The following CELSR1 variants were observed in gnomAD, a reference collection of about 807,000 sequenced individuals.
The protein encoded by CELSR1 is adhesion G protein-coupled receptor C1.
In CELSR1, 110 loss-of-function variants were observed where a neutral mutation model predicts 249.1. That is an observed-to-expected ratio of 0.44 (90% confidence interval 0.38 to 0.52). The LOEUF is 0.52. Ranked by LOEUF, CELSR1 falls within the 20% of genes least tolerant of loss-of-function variation. The pLI is 0.00. For synonymous variants in CELSR1, 2,113 were observed against 1,900.0 expected, an observed-to-expected ratio of 1.11 and a Z score of -2.92; for missense variants, 4,109 against 4,296.4, an observed-to-expected ratio of 0.96 and a Z score of 1.22.
At chr22:46,369,931 G>C (rs2078832782) in intron 25 of CELSR1, 127 bp from the exon 26 acceptor site, 1 of 783,756 alleles carries the variant, frequency 1.3e-6, no homozygotes, top group African/African-American at 1.7e-5. Context: ...AAGGAGCAAG[G>C]AGTCCAGGGA....
At chr22:46,449,198 C>T (rs1040248099) in intron 2 of CELSR1, among the ~76,000 whole-genome samples, 1 of 151,878 alleles carries the variant, frequency 6.6e-6, no homozygotes, top group African/African-American at 2.4e-5. Flanking sequence ...ATCACACATC[C>T]ATCCATCCAT....
rs2147833671 is a variant in CELSR1 at position 46,537,060 on chromosome 22, G to A, written c.111C>T (p.Gly37=). 4 of 1,073,426 alleles carry A rather than the reference G, an allele frequency of 3.7e-6. No individual in the cohort carries two copies. In the South Asian group the frequency reaches 1.2e-4, roughly 32 times the overall value. 66.5% of individuals were successfully genotyped at this position (1,073,426 alleles called of 1,614,324 possible). A position where few individuals can be genotyped will look rare whatever the true frequency, so the allele number is the denominator to read the frequency against. The change falls in exon 1 of 35, where the codon GGC becomes GGT. Residue 37 remains glycine, a synonymous_variant. Coordinates refer to ENST00000674500, the MANE Select transcript of CELSR1 (RefSeq NM_001378328.1). The surrounding 1 kb of genome is among the most constrained non-coding windows in gnomAD (Gnocchi z 5.8). ...GCCGGAGGGCGAAGGCGCGGGTCCC[G>A]CCGGGTACGCGCGGCTCCCAGGCGG... The part of the protein sequence containing the change: ...RAAAWEPRVP[G]GTRAFALRPG...
chr22:46,508,949 G>C (rs2080544432), intron 1 of CELSR1, among the ~76,000 whole-genome samples: 1 of 152,136 alleles, frequency 6.6e-6, no homozygotes, highest in Non-Finnish European at 1.5e-5. Context: ...CTCCCAGAAG[G>C]CTCCAGGATA....
intron 1 of CELSR1, among the ~76,000 whole-genome samples, chr22:46,513,415 C>A (rs139677580): frequency 3.0e-4 from 46 of 152,174 alleles, no homozygotes; most frequent in African/African-American, 1.1e-3. Context: ...CTGACCATAC[C>A]AAGAAGTCCA....
Position 46,364,639 on chromosome 22 carries a change from C to T in CELSR1, c.8652G>A (p.Val2884=). 1.2e-6 allele frequency: 2 copies of T among 1,612,718 alleles called. No homozygotes were observed. The highest frequency in any genetic ancestry group is 8.5e-7 in the Non-Finnish European group (1 of 1,179,922). The change falls in exon 33 of 35, where the codon GTG becomes GTA. Residue 2884 remains valine (V), a synonymous_variant. Transcript: ENST00000674500. ...EDPSGKPRLK[V]ETKVSVELHR... ...GCAGCTCCACGCTGACCTTGGTCTC[C>T]ACCTTCAGGCGGGGCTTGCCGCTGG...
intron 3 of CELSR1, among the ~76,000 whole-genome samples, 158 bp downstream of exon 3, chr22:46,439,031 T>C (rs569244900): frequency 1.3e-5 from 2 of 152,306 alleles, no homozygotes; most frequent in African/African-American, 4.8e-5. Flanking sequence ...GTGCTGGGAT[T>C]ACAGGCGTGA....
At chr22:46,465,833 A>G (rs1033935331) in intron 1 of CELSR1, among the ~76,000 whole-genome samples, 1 of 152,230 alleles carries the variant, frequency 6.6e-6, no homozygotes, top group Non-Finnish European at 1.5e-5. Context: ...AAACGGAGGC[A>G]GAAGCCAAAT....
At position 46,397,616 on chromosome 22, in the gene CELSR1, G is replaced by A. The variant is rs2079163346; in HGVS notation, c.5701+58C>T. Reference sequence around the variant, plus strand: ...AATGTCTAAACTGAGCCCCCCTCCTGTGTTTCAGCCATAAGAGACCTCCCT... The same window carrying A: ...AATGTCTAAACTGAGCCCCCCTCCTATGTTTCAGCCATAAGAGACCTCCCT... On this transcript the variant is annotated intron_variant, in intron 12 of 34. Transcript: ENST00000674500. 2.2e-6 allele frequency: 3 copies of A among 1,362,816 alleles called. No homozygotes were observed. In the South Asian group the frequency reaches 5.3e-5, roughly 24 times the overall value. 84.4% of individuals were successfully genotyped at this position (1,362,816 alleles called of 1,614,324 possible).
At position 46,430,720 on chromosome 22, in the gene CELSR1, G is replaced by C. The variant is rs1208493003; in HGVS notation, c.4611+2673C>G. 6.6e-6 allele frequency among the ~76,000 whole-genome samples: 1 copy of C among 152,146 alleles called. No individual in the cohort carries two copies. The highest frequency in any genetic ancestry group is 1.5e-5 in the Non-Finnish European group (1 of 68,032). On this transcript the variant is annotated intron_variant, in intron 5 of 34. Transcript: ENST00000674500. This position sits in a 1 kb window ranked among gnomAD's most constrained non-coding sequence, Gnocchi z 4.6. ...CAGAGGAACCAGCCCCCAGAAGATT[G>C]TCTTCCTGACCTCAAGCTGGCCCCC...
rs1602128405 is a variant in CELSR1, at chr22:46,432,729, C to T, written c.4611+664G>A. Among the ~76,000 whole-genome samples the T allele has an allele frequency of 2.0e-5, 3 of 152,330 alleles. No individual in the cohort carries two copies. In the Middle Eastern group the frequency reaches 0.01, roughly 518 times the overall value. ...ATCCAGGTACAGTGGACGATTTTGGCTACAGAGCCGTGTATGAACAGCCCA... is the reference window on the plus strand; with the variant it reads ...ATCCAGGTACAGTGGACGATTTTGGTTACAGAGCCGTGTATGAACAGCCCA... On this transcript the variant is annotated intron_variant, in intron 5 of 34. Coordinates refer to ENST00000674500, the MANE Select transcript of CELSR1 (RefSeq NM_001378328.1).
Position 46,367,054 on chromosome 22 carries a change from A to T in CELSR1, c.8144T>A (p.Val2715Glu). The T allele has an allele frequency of 6.2e-7, 1 of 1,611,356 alleles. No individual in the cohort carries two copies. The highest frequency in any genetic ancestry group is 8.5e-7 in the Non-Finnish European group (1 of 1,179,668). ...NQEVRKHLKGVLGGRKLHLED... is the reference protein window; with the variant it reads ...NQEVRKHLKGELGGRKLHLED... ...CAGGTGCAGCTTCCTCCCGCCGAGC[A>T]CGCCCTTCAGGTGCTTCCGGACCTC... is the stretch of plus-strand genomic sequence containing the variant. Residue 2715 changes from valine to glutamate, a missense_variant, in exon 29 of 35, where the codon GTG (valine) becomes GAG (glutamate). Physicochemically the swap from Val to Glu is moderately radical, Grantham distance 121. Around this residue, in one of 7 missense-constraint regions of CELSR1, gnomAD observed 1,805 missense variants for 1,831.6 expected, o/e 0.99. Coordinates refer to ENST00000674500, the MANE Select transcript of CELSR1 (RefSeq NM_001378328.1).
chr22:46,416,955 G>A (rs1023138480), intron 5 of CELSR1, among the ~76,000 whole-genome samples: 1 of 145,338 alleles, frequency 6.9e-6, no homozygotes, highest in Non-Finnish European at 1.5e-5. Context: ...TGCTGGGGAA[G>A]GTAGCAGGGG....
At chr22:46,475,660 G>GGC (rs1555926103) in intron 1 of CELSR1, among the ~76,000 whole-genome samples, 2 of 20,252 alleles carry the variant, frequency 9.9e-5, no homozygotes, top group African/African-American at 1.9e-4. Flanking sequence ...AGAAACGAAT[G>GGC]GGGGGGGAAG....
chr22:46,439,037 C>G (rs544951696), intron 3 of CELSR1, 152 bp downstream of exon 3: 3 of 739,386 alleles, frequency 4.1e-6, no homozygotes, highest in African/African-American at 1.8e-5. Context: ...GGATTACAGG[C>G]GTGAGCCACC....
rs534632025 is a variant in CELSR1 at position 46,404,140 on chromosome 22, G to A, written c.5227-4238C>T. 1.6e-4 allele frequency among the ~76,000 whole-genome samples: 24 copies of A among 152,066 alleles called. 1 individual carries two copies. The highest frequency in any genetic ancestry group is 1.0e-3 in the South Asian group (5 of 4,814). Reference sequence around the variant, plus strand: ...GAAAATGCTACATGAGGCTGGGCGCGGTGGCTCACACCTGAAATACCAGCA... The same window carrying A: ...GAAAATGCTACATGAGGCTGGGCGCAGTGGCTCACACCTGAAATACCAGCA... On this transcript the variant is annotated intron_variant, in intron 9 of 34. Transcript: ENST00000674500.
At chr22:46,524,888 T>G (rs2080724001) in intron 1 of CELSR1, among the ~76,000 whole-genome samples, 1 of 152,164 alleles carries the variant, frequency 6.6e-6, no homozygotes, top group East Asian at 1.9e-4. Context: ...CAGCTCCCCT[T>G]GTACCCCAAG....
rs1465441870 is a variant in CELSR1, at chr22:46,396,441, A to T, written c.5843+164T>A. On this transcript the variant is annotated intron_variant, in intron 13 of 34. Coordinates refer to ENST00000674500, the MANE Select transcript of CELSR1 (RefSeq NM_001378328.1). This position sits in a 1 kb window ranked among gnomAD's most constrained non-coding sequence, Gnocchi z 6.4. ...AAAAATAAAATAAAAATTAAAAAAA[A>T]TTTGATTTTCACTTAATTCATGCCA... Among the ~76,000 whole-genome samples, 7 of 152,006 alleles carry T rather than the reference A, an allele frequency of 4.6e-5. No homozygotes were observed. Among genetic ancestry groups the T allele is most frequent in the South Asian group, 2.1e-4 (1 of 4,834 alleles).
intron 1 of CELSR1, among the ~76,000 whole-genome samples, chr22:46,525,031 C>T (rs1227454008): frequency 6.6e-6 from 1 of 152,194 alleles, no homozygotes; most frequent in Non-Finnish European, 1.5e-5. Context: ...GACAGGGAAG[C>T]CCAGGGGCCT....
chr22:46,397,649 A>C (rs2079163802), intron 12 of CELSR1, 25 bp downstream of exon 12: 1 of 1,432,966 alleles, frequency 7.0e-7, no homozygotes. Flanking sequence ...CCTGTCACTG[A>C]AGGGCCCCGG....
Sources: allele counts gnomAD v4.1 joint callset (sites outside exome capture counted in the v4.1 genomes callset), GRCh38; gene constraint gnomAD v4.1.1; regional missense constraint gnomAD v4.1.1; non-coding constraint Gnocchi (gnomAD v3.1); transcripts MANE v1.5; gene names NCBI Gene and HGNC (gene_info 2026-07-23, HGNC 2026-07-21).